The following MFF variants were observed in gnomAD, a reference collection of about 807,000 sequenced individuals.
MFF encodes mitochondrial fission factor.
In MFF, 12 loss-of-function variants were observed where a neutral mutation model predicts 36.9. The observed-to-expected ratio is 0.33, with a 90% CI of 0.21 to 0.53. The LOEUF is 0.53. Ranked by LOEUF, MFF falls within the 20% of genes least tolerant of loss-of-function variation. The probability of loss-of-function intolerance (pLI) is 0.95; values close to 1 mark genes in which losing one functional copy is unlikely to be tolerated. For synonymous variants in MFF, 99 were observed against 126.2 expected (o/e 0.78, Z 1.44); for missense variants, 348 against 366.6 (o/e 0.95, Z 0.42).
At chr2:227,336,236 G>A (rs545534117) in intron 4 of MFF, among the ~76,000 whole-genome samples, 30 of 152,264 alleles carry the variant, frequency 2.0e-4, no homozygotes, top group South Asian at 1.9e-3. Flanking sequence ...CAATCAAGCC[G>A]TGATATGCTT....
chr2:227,340,435 C>A (rs531531784), intron 5 of MFF, 55 bp downstream of exon 5: 5 of 1,347,320 alleles, frequency 3.7e-6, no homozygotes, highest in South Asian at 3.7e-5. Flanking sequence ...AGGATATTTT[C>A]TGTACCCATG....
At chr2:227,350,560 C>T (rs1489039175) in intron 6 of MFF, among the ~76,000 whole-genome samples, 1 of 152,086 alleles carries the variant, frequency 6.6e-6, no homozygotes, top group African/African-American at 2.4e-5. Context: ...AAATATACAG[C>T]TTGGAAGACC....
intron 4 of MFF, among the ~76,000 whole-genome samples, chr2:227,333,768 C>T (rs1252100708): frequency 6.6e-6 from 1 of 152,180 alleles, no homozygotes; most frequent in Non-Finnish European, 1.5e-5. Flanking sequence ...GGGAATTATA[C>T]CTGTGAAAAT....
At chr2:227,332,372 A>C in intron 3 of MFF, 47 bp from the exon 4 acceptor site, 1 of 1,485,220 alleles carries the variant, frequency 6.7e-7, no homozygotes, top group South Asian at 1.2e-5. Flanking sequence ...CTTTTTAAAA[A>C]ACCTCCCGCT....
chr2:227,329,835 G>T, intron 2 of MFF: 1 of 1,289,138 alleles, frequency 7.8e-7, no homozygotes, highest in South Asian at 1.3e-5. Flanking sequence ...GAGAGACAAT[G>T]GCTTTAAAGC....
chr2:227,328,642 C>T (rs1341023892), intron 1 of MFF, 36 bp from the exon 2 acceptor site: 2 of 152,074 alleles, frequency 1.3e-5, no homozygotes, highest in Admixed American at 6.6e-5. Context: ...GTGGTTTCAT[C>T]TAGTTTCTCA....
At position 227,332,414 on chromosome 2, in the gene MFF, C is replaced by A. The variant is rs2074669117; in HGVS notation, c.182-5C>A. ...TTCTTTGTCTCTTTTCTTGAAAACT[C>A]CTAGGAAATAATGAAGATGTTTCAT... is the stretch of plus-strand genomic sequence containing the variant. On this transcript the variant is annotated splice_region_variant and splice_polypyrimidine_tract_variant and intron_variant, in intron 3 of 8. Transcript: ENST00000304593. 1.3e-6 allele frequency: 2 copies of A among 1,491,288 alleles called. No individual in the cohort carries two copies. The highest frequency in any genetic ancestry group is 1.8e-6 in the Non-Finnish European group (2 of 1,120,288). 92.4% of individuals were successfully genotyped at this position (1,491,288 alleles called of 1,614,324 possible). A position where few individuals can be genotyped will look rare whatever the true frequency, so the allele number is the denominator to read the frequency against.
At chr2:227,354,199 G>GT in intron 7 of MFF, among the ~76,000 whole-genome samples, 1 of 152,190 alleles carries the variant, frequency 6.6e-6, no homozygotes, top group South Asian at 2.1e-4. Context: ...ATTGTTTAAG[G>GT]TTTTTTGCAT....
At chr2:227,352,779 A>T (rs888871237) in intron 7 of MFF, among the ~76,000 whole-genome samples, 9 of 152,208 alleles carry the variant, frequency 5.9e-5, no homozygotes, top group Non-Finnish European at 1.5e-5. Context: ...AAAATGTTTA[A>T]TAATTATGGT....
At chr2:227,328,446 A>G (rs2074335845) in intron 1 of MFF, among the ~76,000 whole-genome samples, 2 of 152,212 alleles carry the variant, frequency 1.3e-5, no homozygotes, top group African/African-American at 4.8e-5. Flanking sequence ...ATCAGAAACA[A>G]TGACAGAGCT....
At chr2:227,340,487 T>G in intron 5 of MFF, 107 bp downstream of exon 5, 1 of 787,384 alleles carries the variant, frequency 1.3e-6, no homozygotes, top group East Asian at 2.8e-5. Flanking sequence ...AAAATTTGTT[T>G]TACATCAATT....
intron 4 of MFF, among the ~76,000 whole-genome samples, chr2:227,338,754 C>T (rs1281464981): frequency 6.6e-6 from 1 of 151,156 alleles, no homozygotes; most frequent in Non-Finnish European, 1.5e-5. Context: ...TGCTTGAACC[C>T]GGGAGGCAGA....
intron 4 of MFF, among the ~76,000 whole-genome samples, chr2:227,333,587 G>A (rs2074761020): frequency 6.6e-6 from 1 of 152,186 alleles, no homozygotes. Context: ...CTGTCTGTCT[G>A]GTTTCAGCAG....
At chr2:227,342,229 G>T (rs2075436608) in intron 5 of MFF, among the ~76,000 whole-genome samples, 1 of 151,882 alleles carries the variant, frequency 6.6e-6, no homozygotes, top group East Asian at 1.9e-4. Context: ...TTTCATTATG[G>T]TTGTAAAGTA....
chr2:227,348,890 C>T (rs964194665), intron 6 of MFF, among the ~76,000 whole-genome samples: 2 of 151,918 alleles, frequency 1.3e-5, no homozygotes, highest in African/African-American at 4.8e-5. Flanking sequence ...GGAGATCTTT[C>T]AAACGATATT....
At chr2:227,335,965 A>G (rs2074970302) in intron 4 of MFF, among the ~76,000 whole-genome samples, 1 of 152,228 alleles carries the variant, frequency 6.6e-6, no homozygotes, top group Non-Finnish European at 1.5e-5. Context: ...CATGAAATAC[A>G]AAATGCCCAA....
At chr2:227,340,985 A>G (rs182420811) in intron 5 of MFF, among the ~76,000 whole-genome samples, 357 of 60,378 alleles carry the variant, frequency 5.9e-3, no homozygotes, top group Non-Finnish European at 0.013. Flanking sequence ...TTAAATATAA[A>G]TTAATATTTC....
intron 8 of MFF, 43 bp downstream of exon 8, chr2:227,355,804 A>G (rs371311952): frequency 2.0e-5 from 25 of 1,235,950 alleles, no homozygotes; most frequent in Middle Eastern, 3.8e-4. Flanking sequence ...AGTTATATTC[A>G]TACAATATTT....
At chr2:227,337,472 T>C (rs1028941122) in intron 4 of MFF, among the ~76,000 whole-genome samples, 2 of 152,200 alleles carry the variant, frequency 1.3e-5, no homozygotes, top group African/African-American at 4.8e-5. Flanking sequence ...AGGTGGGCTT[T>C]GAACAGATTG....
Sources: gnomAD v4.1 joint callset for allele counts (sites outside exome capture counted in the v4.1 genomes callset) on GRCh38, gnomAD v4.1.1 for gene constraint, MANE v1.5 for transcripts, NCBI Gene and HGNC (gene_info 2026-07-23, HGNC 2026-07-21) for gene names.